The following VPS13B variants were observed in gnomAD, a reference collection of about 807,000 sequenced individuals.
VPS13B encodes the protein vacuolar protein sorting 13 homolog B.
In VPS13B, 285 loss-of-function variants were observed where a neutral mutation model predicts 426.4. The observed-to-expected ratio is 0.67, with a 90% confidence interval of 0.61 to 0.74. The LOEUF is 0.74. VPS13B is among the 30% of genes least tolerant of loss of function. The pLI is 0.00. For missense variants in VPS13B, 4,537 were observed against 4,782.6 expected, an observed-to-expected ratio of 0.95 and a Z score of 1.51; for synonymous variants, 1,676 against 1,676.4, an observed-to-expected ratio of 1.00 and a Z score of 0.01.
intron 54 of VPS13B, among the ~76,000 whole-genome samples, chr8:99,839,778 A>C (rs903332030): frequency 2.6e-5 from 4 of 152,190 alleles, no homozygotes; most frequent in African/African-American, 9.7e-5. Flanking sequence ...CTTCCATGAC[A>C]TCTCACCCCA....
rs1482437761 is a variant in VPS13B, at chr8:99,659,549, A to T, written c.5909-1805A>T. Among the ~76,000 whole-genome samples, 3 of 152,288 alleles carry T rather than the reference A, an allele frequency of 2.0e-5. No individual in the cohort carries two copies. The East Asian group carries it at 5.8e-4, about 29-fold the overall frequency. ...GATAGTTAATGCACGTTACCTCAGT[A>T]TACATTATTTTGCTACTTGGAATCT... On this transcript the variant is annotated intron_variant, in intron 34 of 61. Transcript: ENST00000357162.
At chr8:99,462,086 CCCTTCCTTCCTTCCTTTCTT>C (rs1419488692) in intron 23 of VPS13B, among the ~76,000 whole-genome samples, 3 of 150,492 alleles carry the variant, frequency 2.0e-5, no homozygotes, top group African/African-American at 7.3e-5. Flanking sequence ...TCCCCTCCCT[CCCTTCCTTCCTTCCTTTCTT>C]CCTTCCTTCC....
In VPS13B at chr8:99,782,524, A is replaced by G. The variant is rs1812070945; in HGVS notation, c.7780-1791A>G. 2.0e-5 allele frequency among the ~76,000 whole-genome samples: 3 copies of G among 151,938 alleles called. No homozygotes were observed. In the South Asian group the frequency reaches 6.2e-4, roughly 32 times the overall value. On this transcript the variant is annotated intron_variant, in intron 42 of 61. Transcript: ENST00000357162. ...GAAGGCTGCTCTTAAAACCAACCTTAAAACAGGAATCTGGAAGTTGAGTAG... is the reference window on the plus strand; with the variant it reads ...GAAGGCTGCTCTTAAAACCAACCTTGAAACAGGAATCTGGAAGTTGAGTAG...
At position 99,875,617 on chromosome 8, in the gene VPS13B, G is replaced by T. The variant is rs1370500777; in HGVS notation, c.11945G>T (p.Ser3982Ile). ...CCACATTTTGCTCAGGTCTTCCTTAGTAAATTTACCATGGTGAAAAATAAA... is the reference window on the plus strand; with the variant it reads ...CCACATTTTGCTCAGGTCTTCCTTATTAAATTTACCATGGTGAAAAATAAA... The part of the protein sequence containing the change: ...VDPHFAQVFL[S>I]KFTMVKNKAL... Residue 3982 changes from serine to isoleucine, a missense_variant, in exon 62 of 62, where the codon AGT (serine) becomes ATT (isoleucine). Transcript: ENST00000357162. 3 of 1,614,140 alleles carry T rather than the reference G, an allele frequency of 1.9e-6. No homozygotes were observed. In the South Asian group the frequency reaches 3.3e-5, roughly 18 times the overall value.
intron 24 of VPS13B, among the ~76,000 whole-genome samples, chr8:99,478,624 T>G (rs1819871422): frequency 6.6e-6 from 1 of 151,774 alleles, no homozygotes; most frequent in South Asian, 2.1e-4. Flanking sequence ...ATTTTTTGTA[T>G]TTTTAGTACA....
intron 16 of VPS13B, among the ~76,000 whole-genome samples, chr8:99,180,096 A>G (rs918244616): frequency 6.6e-6 from 1 of 152,166 alleles, no homozygotes; most frequent in African/African-American, 2.4e-5. Context: ...CTGAGCAGTT[A>G]CATTCTTATT....
intron 3 of VPS13B, among the ~76,000 whole-genome samples, chr8:99,046,373 G>T (rs1843241224): frequency 1.3e-5 from 2 of 151,936 alleles, no homozygotes; most frequent in African/African-American, 4.8e-5. Flanking sequence ...AAGAGCTACT[G>T]ATTTGTGTAC....
intron 21 of VPS13B, among the ~76,000 whole-genome samples, chr8:99,413,965 C>T (rs1394301328): frequency 6.6e-6 from 1 of 152,172 alleles, no homozygotes; most frequent in Non-Finnish European, 1.5e-5. Context: ...GAGCTGAGTT[C>T]AAGTCCTGAA....
At chr8:99,016,547 T>A (rs1195222843) in intron 2 of VPS13B, among the ~76,000 whole-genome samples, 1 of 151,166 alleles carries the variant, frequency 6.6e-6, no homozygotes, top group Non-Finnish European at 1.5e-5. Flanking sequence ...TTTCCTTTTT[T>A]AAAAATTGAG....
intron 43 of VPS13B, among the ~76,000 whole-genome samples, chr8:99,787,036 A>T (rs184459590): frequency 6.6e-6 from 1 of 152,248 alleles, no homozygotes; most frequent in African/African-American, 2.4e-5. Flanking sequence ...CATATCCTGC[A>T]TTGCCCAGCA....
intron 54 of VPS13B, among the ~76,000 whole-genome samples, chr8:99,836,243 G>A (rs1815384160): frequency 6.6e-6 from 1 of 152,080 alleles, no homozygotes; most frequent in Admixed American, 6.6e-5. Flanking sequence ...TAATTTTGTT[G>A]AAAATGGCAT....
At chr8:99,691,247 CTG>C (rs144300139) in intron 35 of VPS13B, among the ~76,000 whole-genome samples, 17,598 of 146,082 alleles carry the variant, frequency 0.12, 1,642 homozygotes, top group East Asian at 0.38. Flanking sequence ...GTATGGGATA[CTG>C]TGTGTGTGTG....
chr8:99,519,389 T>C (rs1478484927), intron 29 of VPS13B, among the ~76,000 whole-genome samples: 4 of 152,296 alleles, frequency 2.6e-5, no homozygotes, highest in African/African-American at 9.6e-5. Context: ...TGGAAGTCAG[T>C]GTGGCAATTC....
At position 99,134,565 on chromosome 8, in the gene VPS13B, A is replaced by G. The variant is rs1216531473; in HGVS notation, c.1207-67A>G. On this transcript the variant is annotated intron_variant, in intron 8 of 61. Coordinates refer to ENST00000357162, the MANE Select transcript of VPS13B (RefSeq NM_152564.5). ...TTGGCCTTGTTTTAATCAATTAATC[A>G]TCATAATGACAATTTATTGCTCTTT... 6.3e-6 allele frequency: 8 copies of G among 1,275,966 alleles called. No homozygotes were observed. The African/African-American group carries it at 7.5e-5, about 12-fold the overall frequency. 79.0% of individuals were successfully genotyped at this position (1,275,966 alleles called of 1,614,324 possible). A position where few individuals can be genotyped will look rare whatever the true frequency, so the allele number is the denominator to read the frequency against.
intron 17 of VPS13B, among the ~76,000 whole-genome samples, chr8:99,258,849 A>G (rs1817897642): frequency 6.6e-6 from 1 of 152,122 alleles, no homozygotes; most frequent in Non-Finnish European, 1.5e-5. Flanking sequence ...AAACTGGGCC[A>G]CAAAGTTTTA....
intron 3 of VPS13B, among the ~76,000 whole-genome samples, chr8:99,093,098 C>G (rs1352321029): frequency 6.6e-6 from 1 of 151,670 alleles, no homozygotes; most frequent in Non-Finnish European, 1.5e-5. Context: ...GATGTCTATA[C>G]AAATAATATT....
chr8:99,067,502 G>T (rs1273185014), intron 3 of VPS13B, among the ~76,000 whole-genome samples: 3 of 152,124 alleles, frequency 2.0e-5, no homozygotes, highest in Non-Finnish European at 4.4e-5. Flanking sequence ...ATGATGTGGG[G>T]GGCAGGGGGA....
intron 19 of VPS13B, among the ~76,000 whole-genome samples, chr8:99,293,707 A>G (rs1168598917): frequency 6.6e-6 from 1 of 152,050 alleles, no homozygotes; most frequent in Non-Finnish European, 1.5e-5. Context: ...AAAAAAACAA[A>G]CAACCCCATC....
intron 17 of VPS13B, among the ~76,000 whole-genome samples, chr8:99,235,448 AGTAAAATCT>A (rs1816586061): frequency 6.6e-6 from 1 of 152,206 alleles, no homozygotes. Context: ...TATGGAAAGT[AGTAAAATCT>A]GTACCTTTTC....
Sources: gnomAD v4.1 joint callset for allele counts (sites outside exome capture counted in the v4.1 genomes callset) on GRCh38, gnomAD v4.1.1 for gene constraint, MANE v1.5 for transcripts, NCBI Gene and HGNC (gene_info 2026-07-23, HGNC 2026-07-21) for gene names.